Variants in CENPP observed in about 807,000 individuals in gnomAD.
CENPP encodes the protein centromere protein P.
In CENPP, 24 loss-of-function variants were observed where a neutral mutation model predicts 35.6. The observed-to-expected ratio is 0.67, with a 90% CI of 0.49 to 0.95. The LOEUF is 0.95. CENPP is among the 40% of genes least tolerant of loss of function. CENPP has a pLI of 0.00. For synonymous variants in CENPP, 120 were observed against 125.5 expected, an observed-to-expected ratio of 0.96 and a Z score of 0.29; for missense variants, 332 against 345.3, an observed-to-expected ratio of 0.96 and a Z score of 0.31.
chr9:92,505,284 C>A (rs1470292590), intron 5 of CENPP, among the ~76,000 whole-genome samples: 1 of 152,138 alleles, frequency 6.6e-6, no homozygotes, highest in Non-Finnish European at 1.5e-5. Context: ...ATTCATTTCT[C>A]CCATTTCCCC....
At chr9:92,354,852 T>C (rs960610713) in intron 4 of CENPP, among the ~76,000 whole-genome samples, 1 of 152,048 alleles carries the variant, frequency 6.6e-6, no homozygotes, top group Non-Finnish European at 1.5e-5. Flanking sequence ...GCTGGGCCGC[T>C]GGGGGTGACG....
At chr9:92,469,230 C>G (rs1440989063) in intron 5 of CENPP, among the ~76,000 whole-genome samples, 1 of 152,144 alleles carries the variant, frequency 6.6e-6, no homozygotes, top group Non-Finnish European at 1.5e-5. Flanking sequence ...AATATATGCT[C>G]TTCTAGTTGC....
intron 2 of CENPP, among the ~76,000 whole-genome samples, chr9:92,333,573 A>T (rs929198281): frequency 3.3e-5 from 5 of 152,214 alleles, no homozygotes; most frequent in African/African-American, 1.2e-4. Context: ...TTGGAAAAAT[A>T]TAGAAATTAT....
At chr9:92,499,655 A>G (rs1189412099) in intron 5 of CENPP, among the ~76,000 whole-genome samples, 2 of 152,228 alleles carry the variant, frequency 1.3e-5, no homozygotes, top group Non-Finnish European at 2.9e-5. Flanking sequence ...TTGCCAAAAA[A>G]TTTTGAAACT....
At position 92,379,843 on chromosome 9, in the gene CENPP, C is replaced by T. The variant is rs766049231; in HGVS notation, c.548C>T (p.Thr183Met). The T allele has an allele frequency of 1.5e-4, 237 of 1,607,890 alleles. No individual in the cohort carries two copies. Among genetic ancestry groups the T allele is most frequent in the Non-Finnish European group, 1.9e-4 (226 of 1,174,460 alleles). The change falls in exon 5 of 8, where the codon ACG becomes ATG. Residue 183 changes from threonine to methionine, a missense_variant. Transcript: ENST00000375587. Reference sequence around the variant, plus strand: ...GAGTGGTTTGAATATCGTAAGCGCACGTTTAAACATCTCAAGGTAAAGTCT... The same window carrying T: ...GAGTGGTTTGAATATCGTAAGCGCATGTTTAAACATCTCAAGGTAAAGTCT... Reference protein sequence around the residue: ...FVEWFEYRKRTFKHLKEKYPD... With the variant: ...FVEWFEYRKRMFKHLKEKYPD...
intron 5 of CENPP, among the ~76,000 whole-genome samples, chr9:92,412,522 C>T (rs1010877896): frequency 6.6e-6 from 1 of 152,186 alleles, no homozygotes; most frequent in Non-Finnish European, 1.5e-5. Flanking sequence ...TTCCCCATTC[C>T]CATGATCCCC....
intron 4 of CENPP, among the ~76,000 whole-genome samples, chr9:92,349,809 A>C (rs1010557531): frequency 3.9e-5 from 6 of 152,256 alleles, no homozygotes. Context: ...TGCTACAAAC[A>C]TTCATATGCT....
chr9:92,586,995 G>A (rs541490171), intron 5 of CENPP, among the ~76,000 whole-genome samples: 1 of 151,070 alleles, frequency 6.6e-6, no homozygotes, highest in South Asian at 2.1e-4. Flanking sequence ...GTCCCATTTG[G>A]TGGGGGCGGG....
intron 5 of CENPP, among the ~76,000 whole-genome samples, chr9:92,462,499 A>C (rs1320252059): frequency 6.6e-6 from 1 of 152,142 alleles, no homozygotes; most frequent in African/African-American, 2.4e-5. Context: ...TTATTTGTCA[A>C]CCCAAGTATC....
At chr9:92,564,402 A>T (rs1278397029) in intron 5 of CENPP, among the ~76,000 whole-genome samples, 1 of 152,066 alleles carries the variant, frequency 6.6e-6, no homozygotes, top group Non-Finnish European at 1.5e-5. Flanking sequence ...AAAAAAAAAT[A>T]AAATAAAGGT....
At chr9:92,605,909 GT>G (rs1291442165) in intron 5 of CENPP, among the ~76,000 whole-genome samples, 1 of 152,140 alleles carries the variant, frequency 6.6e-6, no homozygotes, top group African/African-American at 2.4e-5. Context: ...TAAGTGACTT[GT>G]TCTAGAATAT....
intron 5 of CENPP, among the ~76,000 whole-genome samples, chr9:92,531,359 C>A (rs10118939): frequency 6.6e-6 from 1 of 151,904 alleles, no homozygotes; most frequent in South Asian, 2.1e-4. Flanking sequence ...CTGGACAATA[C>A]AAGAACCAGG....
chr9:92,376,790 C>T (rs1588071880), intron 4 of CENPP, among the ~76,000 whole-genome samples: 3 of 152,082 alleles, frequency 2.0e-5, no homozygotes, highest in Non-Finnish European at 4.4e-5. Flanking sequence ...CCTGTAATCC[C>T]AGCACTTTGG....
intron 4 of CENPP, among the ~76,000 whole-genome samples, chr9:92,370,268 T>C (rs564701361): frequency 6.6e-6 from 1 of 152,316 alleles, no homozygotes; most frequent in East Asian, 1.9e-4. Context: ...AATATGGGCC[T>C]CTAGTTTTCT....
At chr9:92,492,310 A>C (rs1255376591) in intron 5 of CENPP, among the ~76,000 whole-genome samples, 1 of 152,186 alleles carries the variant, frequency 6.6e-6, no homozygotes, top group Non-Finnish European at 1.5e-5. Context: ...ATTTGTTAAC[A>C]TTTCCAAGTC....
At chr9:92,443,596 G>A (rs1437630626) in intron 5 of CENPP, among the ~76,000 whole-genome samples, 1 of 151,962 alleles carries the variant, frequency 6.6e-6, no homozygotes, top group Admixed American at 6.6e-5. Flanking sequence ...AAATGCAAAG[G>A]ACCTAGAATA....
intron 5 of CENPP, among the ~76,000 whole-genome samples, chr9:92,594,839 G>C (rs948134901): frequency 6.7e-6 from 1 of 149,956 alleles, no homozygotes; most frequent in African/African-American, 2.5e-5. Flanking sequence ...TTTCATTTAT[G>C]TAAGTTATTT....
intron 5 of CENPP, among the ~76,000 whole-genome samples, chr9:92,471,386 G>A (rs1392677295): frequency 1.3e-5 from 2 of 151,690 alleles, no homozygotes; most frequent in African/African-American, 2.4e-5. Context: ...TAGTAGAGAC[G>A]AGGTTTCCCC....
At chr9:92,496,199 A>T in intron 5 of CENPP, 1 of 1,421,986 alleles carries the variant, frequency 7.0e-7, no homozygotes, top group Non-Finnish European at 9.1e-7. Context: ...AATCAGGTTG[A>T]CTAGCATATA....
Sources: allele counts gnomAD v4.1 joint callset (sites outside exome capture counted in the v4.1 genomes callset), GRCh38; gene constraint gnomAD v4.1.1; transcripts MANE v1.5; gene names NCBI Gene and HGNC (gene_info 2026-07-23, HGNC 2026-07-21).